Variants in SNX29 observed in about 807,000 individuals in gnomAD.
SNX29 encodes sorting nexin-29.
Under a neutral mutation model 102.1 loss-of-function variants are expected in SNX29, and 78 were observed. The observed-to-expected ratio is 0.76, with a 90% CI of 0.64 to 0.92. SNX29 has a LOEUF of 0.92. SNX29 is among the 40% of genes least tolerant of loss of function. The probability of loss-of-function intolerance (pLI) is 0.00; values close to 1 mark genes in which losing one functional copy is unlikely to be tolerated. For synonymous variants in SNX29, 580 were observed against 414.5 expected (o/e 1.40, Z -4.85); for missense variants, 1,280 against 1,061.7 (o/e 1.21, Z -2.86).
chr16:12,293,766 T>C (rs922039085), intron 15 of SNX29, among the ~76,000 whole-genome samples: 1 of 152,236 alleles, frequency 6.6e-6, no homozygotes, highest in South Asian at 2.1e-4. Flanking sequence ...TATCAATTAA[T>C]TTTGAGCCAT....
intron 20 of SNX29, among the ~76,000 whole-genome samples, chr16:12,552,368 G>C (rs1302774064): frequency 6.6e-6 from 1 of 152,212 alleles, no homozygotes; most frequent in Admixed American, 6.5e-5. Context: ...CAATACACGT[G>C]TAAGACAGCA....
intron 9 of SNX29, among the ~76,000 whole-genome samples, chr16:12,066,030 G>A (rs938424340): frequency 2.6e-5 from 4 of 152,188 alleles, no homozygotes; most frequent in Non-Finnish European, 5.9e-5. Context: ...CAAGCCATTC[G>A]CGGTTGTGCA....
At chr16:12,192,110 C>T (rs1480657878) in intron 13 of SNX29, among the ~76,000 whole-genome samples, 1 of 152,152 alleles carries the variant, frequency 6.6e-6, no homozygotes, top group African/African-American at 2.4e-5. Flanking sequence ...TCTGGGGTTG[C>T]TGGTTGTTTA....
intron 15 of SNX29, among the ~76,000 whole-genome samples, chr16:12,306,320 G>A (rs1283032399): frequency 6.6e-6 from 1 of 151,734 alleles, no homozygotes; most frequent in Admixed American, 6.6e-5. Context: ...ATATGGTCAT[G>A]AGGATGAATG....
chr16:12,239,644 A>C, intron 14 of SNX29, among the ~76,000 whole-genome samples: 1 of 134,296 alleles, frequency 7.4e-6, no homozygotes, highest in South Asian at 2.3e-4. Context: ...TTCTACAAAA[A>C]AAAAAAAAAA....
At chr16:12,343,156 G>A (rs2081665633) in intron 15 of SNX29, among the ~76,000 whole-genome samples, 1 of 152,138 alleles carries the variant, frequency 6.6e-6, no homozygotes, top group African/African-American at 2.4e-5. Flanking sequence ...ACGCACACCA[G>A]CCTCCACTGA....
intron 14 of SNX29, among the ~76,000 whole-genome samples, chr16:12,272,414 G>A (rs1228776792): frequency 6.6e-6 from 1 of 152,212 alleles, no homozygotes; most frequent in Non-Finnish European, 1.5e-5. Context: ...AGGGCTGTGA[G>A]TTCGCCATTT....
At chr16:12,566,024 G>A (rs1034128596) in intron 20 of SNX29, among the ~76,000 whole-genome samples, 9 of 152,214 alleles carry the variant, frequency 5.9e-5, no homozygotes, top group African/African-American at 2.2e-4. Flanking sequence ...GCATGGTGGT[G>A]ACACAGGTCA....
At chr16:12,370,693 G>A (rs1050671356) in intron 16 of SNX29, among the ~76,000 whole-genome samples, 6 of 152,210 alleles carry the variant, frequency 3.9e-5, no homozygotes, top group African/African-American at 1.4e-4. Flanking sequence ...CCATCTCCCT[G>A]AAATGAGTTT....
intron 3 of SNX29, among the ~76,000 whole-genome samples, chr16:12,011,022 C>G (rs963799829): frequency 1.3e-5 from 2 of 151,970 alleles, no homozygotes; most frequent in Non-Finnish European, 2.9e-5. Flanking sequence ...GAGGTGTTGA[C>G]TGGATGTTAC....
chr16:12,060,029 G>A (rs890098924), intron 8 of SNX29, among the ~76,000 whole-genome samples: 2 of 152,084 alleles, frequency 1.3e-5, no homozygotes, highest in South Asian at 4.2e-4. Context: ...TTTATCTACT[G>A]AGATACAGAA....
chr16:12,566,860 G>A (rs897184269), intron 20 of SNX29, among the ~76,000 whole-genome samples: 2 of 152,212 alleles, frequency 1.3e-5, no homozygotes, highest in East Asian at 1.9e-4. Context: ...TTTCATCCAT[G>A]CACAGAAGGC....
At chr16:12,219,807 A>C (rs1419539726) in intron 14 of SNX29, among the ~76,000 whole-genome samples, 2 of 152,220 alleles carry the variant, frequency 1.3e-5, no homozygotes, top group African/African-American at 4.8e-5. Flanking sequence ...ACCACCATGC[A>C]GTGTAGACAT....
intron 19 of SNX29, among the ~76,000 whole-genome samples, chr16:12,506,770 G>T (rs555670702): frequency 3.3e-5 from 5 of 152,176 alleles, no homozygotes; most frequent in Non-Finnish European, 4.4e-5. Flanking sequence ...AGCTGAGGAG[G>T]TGGAATCTGT....
intron 20 of SNX29, among the ~76,000 whole-genome samples, chr16:12,556,857 AATT>A (rs1454870442): frequency 6.6e-5 from 10 of 150,776 alleles, no homozygotes; most frequent in Non-Finnish European, 1.3e-4. Flanking sequence ...GAAAAAATTG[AATT>A]TTTTTTTTTT....
chr16:11,999,470 G>C (rs887368413), intron 2 of SNX29, 112 bp downstream of exon 2: 45 of 1,002,428 alleles, frequency 4.5e-5, no homozygotes, highest in Non-Finnish European at 6.1e-5. Flanking sequence ...TTATACCTGG[G>C]AACAGTGAAG....
chr16:12,017,385 T>C (rs773095385), intron 3 of SNX29, among the ~76,000 whole-genome samples: 27 of 152,226 alleles, frequency 1.8e-4, no homozygotes, highest in Admixed American at 2.6e-4. Flanking sequence ...CCTTCTGTGC[T>C]TTTTATTTTT....
intron 13 of SNX29, among the ~76,000 whole-genome samples, chr16:12,138,592 T>C (rs1428705175): frequency 2.0e-5 from 3 of 148,030 alleles, no homozygotes; most frequent in African/African-American, 7.3e-5. Flanking sequence ...ATTCATAATG[T>C]AAAATAAAAC....
rs367919177 is a variant in SNX29, at chr16:12,383,402, A to G, written c.1900-15044A>G. Among the ~76,000 whole-genome samples, 16 of 152,258 alleles carry G rather than the reference A, an allele frequency of 1.1e-4. No homozygotes were observed. The East Asian group carries it at 2.7e-3, about 26-fold the overall frequency. On this transcript the variant is annotated intron_variant, in intron 16 of 20. Coordinates refer to ENST00000566228, the MANE Select transcript of SNX29 (RefSeq NM_032167.5). ...ACAGTTCGGTGACCACCGAATTAACACTGTTAATAGTGTAGCTGATGAGTC... is the reference window on the plus strand; with the variant it reads ...ACAGTTCGGTGACCACCGAATTAACGCTGTTAATAGTGTAGCTGATGAGTC...
Sources: allele counts gnomAD v4.1 joint callset (sites outside exome capture counted in the v4.1 genomes callset), GRCh38; gene constraint gnomAD v4.1.1; transcripts MANE v1.5; gene names NCBI Gene and HGNC (gene_info 2026-07-23, HGNC 2026-07-21).